Variants in SANBR observed in about 807,000 individuals in gnomAD.
The protein encoded by SANBR is SANT and BTB domain regulator of CSR.
In SANBR, 77 loss-of-function variants were observed where a neutral mutation model predicts 101.8. That is an observed-to-expected ratio of 0.76 (90% CI 0.63 to 0.91). The LOEUF (loss-of-function observed/expected upper bound fraction) is 0.91, where lower values mean the gene tolerates loss of function less well. Ranked by LOEUF, SANBR falls within the 40% of genes least tolerant of loss-of-function variation. The pLI, the probability that SANBR is intolerant of heterozygous loss-of-function variation, is 0.00. For synonymous variants in SANBR, 279 were observed against 274.7 expected (o/e 1.02, Z -0.15); for missense variants, 875 against 853.0 (o/e 1.03, Z -0.32).
chr2:61,104,735 C>T (rs1035684077), intron 13 of SANBR, among the ~76,000 whole-genome samples: 1 of 151,980 alleles, frequency 6.6e-6, no homozygotes, highest in Non-Finnish European at 1.5e-5. Flanking sequence ...TTTGCAATGG[C>T]AGCAGGTTGT....
chr2:61,082,349 A>G (rs545816036), intron 7 of SANBR, among the ~76,000 whole-genome samples: 59 of 152,210 alleles, frequency 3.9e-4, no homozygotes, highest in Non-Finnish European at 7.8e-4. Flanking sequence ...ATTTGGAAGA[A>G]TACATGATTA....
chr2:61,133,355 G>A (rs1684746534), intron 20 of SANBR, among the ~76,000 whole-genome samples: 1 of 152,164 alleles, frequency 6.6e-6, no homozygotes, highest in East Asian at 1.9e-4. Flanking sequence ...TAATGAAAAT[G>A]TTTTGGAGCT....
rs1430671341 is a variant in SANBR at position 61,070,330 on chromosome 2, C to T, written c.-9-12C>T. 3 of 1,553,720 alleles carry T rather than the reference C, an allele frequency of 1.9e-6. No homozygotes were observed. The highest frequency in any genetic ancestry group is 2.2e-5 in the Admixed American group (1 of 46,462). On this transcript the variant is annotated splice_polypyrimidine_tract_variant and intron_variant, in intron 2 of 21. Transcript: ENST00000402291. ...GGGTTTAAATAAAGCTTTTTGTCTTCCCTATCCCTAGTTCCAAAAGATGAG... is the reference window on the plus strand; with the variant it reads ...GGGTTTAAATAAAGCTTTTTGTCTTTCCTATCCCTAGTTCCAAAAGATGAG...
intron 4 of SANBR, among the ~76,000 whole-genome samples, chr2:61,072,164 C>A (rs192077212): frequency 1.6e-4 from 25 of 152,268 alleles, no homozygotes; most frequent in Admixed American, 5.9e-4. Flanking sequence ...GTCTGGAACT[C>A]CTGAGCTCAG....
chr2:61,118,754 GT>G (rs1684201744), intron 20 of SANBR, among the ~76,000 whole-genome samples: 1 of 151,762 alleles, frequency 6.6e-6, no homozygotes, highest in South Asian at 2.1e-4. Flanking sequence ...TAGAGACGGG[GT>G]TTCACCATGT....
chr2:61,066,299 C>G (rs1421097847), intron 1 of SANBR: 1 of 152,772 alleles, frequency 6.5e-6, no homozygotes, highest in Non-Finnish European at 1.5e-5. Flanking sequence ...TTCTGCGCGC[C>G]CGGCCGCGCC....
At chr2:61,137,570 T>A (rs1180953853) in exon 22 of SANBR, 2 of 152,084 alleles carry the variant, frequency 1.3e-5, no homozygotes, top group African/African-American at 4.8e-5. Flanking sequence ...TTATAGATAT[T>A]TTTTTTTCTT....
rs1289365982 is a variant in SANBR at position 61,122,401 on chromosome 2, C to A, written c.*239C>A. 5.0e-6 allele frequency: 6 copies of A among 1,199,594 alleles called. No individual in the cohort carries two copies. In the African/African-American group the frequency reaches 9.4e-5, roughly 19 times the overall value. The allele number at this position is 1,199,594 out of a possible 1,614,324, so 74.3% of individuals were successfully genotyped here. On this transcript the variant is annotated 3_prime_UTR_variant, in exon 22 of 22. Transcript: ENST00000402291. ...ATATCATTCTAGGCTATGTAGAAAG[C>A]AATTATTTACAAATTTGCATAGTTG...
At chr2:61,106,803 C>A in intron 14 of SANBR, 141 bp downstream of exon 14, 1 of 519,454 alleles carries the variant, frequency 1.9e-6, no homozygotes, top group Non-Finnish European at 3.3e-6. Context: ...TAATAGGACT[C>A]TAAGGGCAAT....
At position 61,083,145 on chromosome 2, in the gene SANBR, A is replaced by AT. The variant is rs752062972; in HGVS notation, c.730-3dup. On this transcript the variant is annotated splice_polypyrimidine_tract_variant and intron_variant, in intron 7 of 21. Coordinates refer to ENST00000402291, the MANE Select transcript of SANBR (RefSeq NM_001129993.3). ...CTATTTTCGACATTTATTTTCTATG[A>AT]TTTTTTAGGTTGAACAGTGTATTCA... 19 of 1,592,844 alleles carry AT rather than the reference A, an allele frequency of 1.2e-5. No homozygotes were observed. Among genetic ancestry groups the AT allele is most frequent in the Non-Finnish European group, 1.5e-5 (17 of 1,166,276 alleles).
chr2:61,107,334 T>C lies in SANBR; in HGVS notation c.1611+672T>C, dbSNP rs370391133. Among the ~76,000 whole-genome samples, 150 of 152,318 alleles carry C rather than the reference T, an allele frequency of 9.8e-4. 5 individuals are homozygous for C. The South Asian group carries it at 0.029, about 29-fold the overall frequency. ...CCTTTTATTGTAATTAGGAATATAT[T>C]TAAATTCTTCAAAAGTTCCAGCCTG... is the stretch of plus-strand genomic sequence containing the variant. On this transcript the variant is annotated intron_variant, in intron 14 of 21. Coordinates refer to ENST00000402291, the MANE Select transcript of SANBR (RefSeq NM_001129993.3).
chr2:61,108,370 A>C (rs559737148), intron 15 of SANBR, 21 bp downstream of exon 15: 1 of 1,497,836 alleles, frequency 6.7e-7, no homozygotes, highest in Admixed American at 1.9e-5. Flanking sequence ...AATTACAGTT[A>C]GCATTCATGG....
chr2:61,080,717 C>T (rs1047755592), intron 6 of SANBR, among the ~76,000 whole-genome samples: 18 of 150,360 alleles, frequency 1.2e-4, no homozygotes, highest in Non-Finnish European at 2.1e-4. Flanking sequence ...GAGACTCCAT[C>T]TCAAAAAAAA....
At chr2:61,096,963 G>C (rs1683059570) in intron 11 of SANBR, among the ~76,000 whole-genome samples, 1 of 152,178 alleles carries the variant, frequency 6.6e-6, no homozygotes, top group Non-Finnish European at 1.5e-5. Flanking sequence ...AGACCAGCCT[G>C]ACCAACATGG....
rs70959893 is a variant in SANBR, at chr2:61,072,821, C to CTTTTTTTTTTTTTTTTTT, written c.338-625_338-608dup. On this transcript the variant is annotated intron_variant, in intron 4 of 21. Coordinates refer to ENST00000402291, the MANE Select transcript of SANBR (RefSeq NM_001129993.3). ...AGACTCTTGCTTGTCTCTCATGTTA[C>CTTTTTTTTTTTTTTTTTT]TTTTTTTTTTTTTTTTTTTTTTTTT... 1.1e-3 allele frequency among the ~76,000 whole-genome samples: 36 copies of CTTTTTTTTTTTTTTTTTT among 31,656 alleles called. 1 individual carries two copies. The highest frequency in any genetic ancestry group is 1.4e-3 in the Non-Finnish European group (26 of 18,076). The allele number at this position is 31,656 out of a possible 152,430, so 20.8% of individuals were successfully genotyped here. A position where few individuals can be genotyped will look rare whatever the true frequency, so the allele number is the denominator to read the frequency against.
intron 8 of SANBR, among the ~76,000 whole-genome samples, chr2:61,085,336 A>AT (rs973810024): frequency 6.0e-5 from 9 of 150,538 alleles, no homozygotes; most frequent in Admixed American, 2.0e-4. Flanking sequence ...GTCAAGGTTC[A>AT]TTTTTTTTTC....
intron 5 of SANBR, among the ~76,000 whole-genome samples, chr2:61,076,622 C>A (rs1444985778): frequency 6.9e-6 from 1 of 145,304 alleles, no homozygotes; most frequent in Non-Finnish European, 1.5e-5. Context: ...AGAGAGACTC[C>A]GTCTAAAAAA....
In SANBR at chr2:61,073,667, T is replaced by C. The variant is rs1173592853; in HGVS notation, c.431+116T>C. 5.5e-6 allele frequency: 3 copies of C among 541,012 alleles called. No individual in the cohort carries two copies. In the African/African-American group the frequency reaches 5.8e-5, roughly 11 times the overall value. The allele number at this position is 541,012 out of a possible 1,614,324, so 33.5% of individuals were successfully genotyped here. A position where few individuals can be genotyped will look rare whatever the true frequency, so the allele number is the denominator to read the frequency against. ...CATATTGCATAATTGCTGAAACTACTGGAATCAGCTTAGTTCATGTGTTGA... is the reference window on the plus strand; with the variant it reads ...CATATTGCATAATTGCTGAAACTACCGGAATCAGCTTAGTTCATGTGTTGA... On this transcript the variant is annotated intron_variant, in intron 5 of 21. Transcript: ENST00000402291.
At chr2:61,092,890 T>C (rs928923283) in intron 11 of SANBR, among the ~76,000 whole-genome samples, 1 of 151,686 alleles carries the variant, frequency 6.6e-6, no homozygotes, top group Admixed American at 6.6e-5. Flanking sequence ...TTCCAGCACT[T>C]TGGGAGGCCG....
Sources: allele counts gnomAD v4.1 joint callset (sites outside exome capture counted in the v4.1 genomes callset), GRCh38; gene constraint gnomAD v4.1.1; transcripts MANE v1.5; gene names NCBI Gene and HGNC (gene_info 2026-07-23, HGNC 2026-07-21).